CHODL: variants seen among roughly 807,000 people sequenced by gnomAD.
CHODL encodes the protein chondrolectin, also known as transmembrane protein MT75.
A neutral mutation model predicts 34.5 loss-of-function variants in CHODL; 29 were observed. The ratio of observed to expected loss-of-function variants is 0.84; its 90% CI spans 0.63 to 1.15. The LOEUF (loss-of-function observed/expected upper bound fraction) is 1.15. Among genes scored for constraint, CHODL ranks in the 50% most tolerant of loss-of-function variants. CHODL has a pLI of 0.00. For synonymous variants in CHODL, 125 were observed against 116.1 expected (o/e 1.08, Z -0.49); for missense variants, 332 against 332.5 (o/e 1.00, Z 0.01).
At chr21:18,238,837 A>G (rs1212249347) in intron 2 of CHODL, among the ~76,000 whole-genome samples, 1 of 152,172 alleles carries the variant, frequency 6.6e-6, no homozygotes, top group African/African-American at 2.4e-5. Flanking sequence ...TCAACATCAT[A>G]AATATTTAAA....
intron 2 of CHODL, among the ~76,000 whole-genome samples, chr21:18,178,037 G>T (rs1053112615): frequency 6.6e-6 from 1 of 152,016 alleles, no homozygotes; most frequent in African/African-American, 2.4e-5. Flanking sequence ...TGAGAAATTC[G>T]CTTGGGATAA....
intron 2 of CHODL, among the ~76,000 whole-genome samples, chr21:18,048,598 A>G (rs186592532): frequency 6.4e-4 from 97 of 152,108 alleles, no homozygotes; most frequent in African/African-American, 2.3e-3. Context: ...AAACCCTATC[A>G]GCAAAAAAAC....
At chr21:18,186,777 A>G (rs1005164174) in intron 2 of CHODL, among the ~76,000 whole-genome samples, 1 of 152,174 alleles carries the variant, frequency 6.6e-6, no homozygotes, top group African/African-American at 2.4e-5. Context: ...AATCTCCCCA[A>G]GACTTATGAA....
chr21:17,986,576 TG>T (rs1429995943), intron 1 of CHODL, among the ~76,000 whole-genome samples: 1 of 152,244 alleles, frequency 6.6e-6, no homozygotes, highest in Non-Finnish European at 1.5e-5. Context: ...GACGGACATT[TG>T]GGTTGGTTCC....
chr21:18,126,318 A>G (rs1362641645), intron 2 of CHODL, among the ~76,000 whole-genome samples: 7 of 152,258 alleles, frequency 4.6e-5, no homozygotes, highest in Non-Finnish European at 7.3e-5. Context: ...AAATTATGGC[A>G]TGTACATTTT....
rs1353389829 is a variant in CHODL, at chr21:17,948,675, G to C, written c.-145+31275G>C. Among the ~76,000 whole-genome samples the C allele has an allele frequency of 6.6e-5, 10 of 152,034 alleles. 1 individual carries two copies. Among genetic ancestry groups the C allele is most frequent in the Non-Finnish European group, 1.3e-4 (9 of 67,974 alleles). On this transcript the variant is annotated intron_variant, in intron 1 of 6. Transcript: ENST00000400127. The stretch of plus-strand genomic sequence containing the variant: ...CCTAGAAGAAATGGATAAATTGCTG[G>C]ACACATACAATCTATCAAGACTGAA...
intron 2 of CHODL, among the ~76,000 whole-genome samples, chr21:18,068,673 T>A (rs1038198088): frequency 6.6e-6 from 1 of 152,134 alleles, no homozygotes; most frequent in Non-Finnish European, 1.5e-5. Flanking sequence ...CATCTGTGCA[T>A]TGTTGAAAAT....
chr21:18,109,036 G>A (rs2055011), intron 2 of CHODL, among the ~76,000 whole-genome samples: 115,042 of 151,460 alleles, frequency 0.76, 45,147 homozygotes, highest in Middle Eastern at 0.87. Flanking sequence ...TAAAATTTGG[G>A]TCACCTTTTT....
chr21:17,988,498 T>C (rs1321332352), intron 1 of CHODL, among the ~76,000 whole-genome samples: 1 of 141,446 alleles, frequency 7.1e-6, no homozygotes. Flanking sequence ...GCTGCACCCA[T>C]TAACTCGTCA....
At chr21:18,070,986 C>T (rs74910777) in intron 2 of CHODL, among the ~76,000 whole-genome samples, 2,207 of 151,768 alleles carry the variant, frequency 0.015, 45 homozygotes, top group African/African-American at 0.049. Context: ...TAGTAAATCG[C>T]AGATATTATT....
chr21:18,175,430 A>G (rs2073294025), intron 2 of CHODL, among the ~76,000 whole-genome samples: 1 of 151,998 alleles, frequency 6.6e-6, no homozygotes, highest in South Asian at 2.1e-4. Flanking sequence ...CATATCTACT[A>G]AAAATACAAA....
At chr21:17,918,474 CAAAG>C (rs1171424723) in intron 1 of CHODL, among the ~76,000 whole-genome samples, 2 of 152,066 alleles carry the variant, frequency 1.3e-5, no homozygotes, top group African/African-American at 4.8e-5. Context: ...TGGCAGCAGG[CAAAG>C]AAAGAGCTTG....
chr21:18,030,249 A>G (rs1348348362), intron 2 of CHODL, among the ~76,000 whole-genome samples: 1 of 152,156 alleles, frequency 6.6e-6, no homozygotes, highest in African/African-American at 2.4e-5. Flanking sequence ...CCAAATGACA[A>G]TTTGGAAACG....
chr21:18,129,829 A>C (rs2072630757), intron 2 of CHODL, among the ~76,000 whole-genome samples: 1 of 152,062 alleles, frequency 6.6e-6, no homozygotes, highest in Non-Finnish European at 1.5e-5. Flanking sequence ...TTGCAGTGCA[A>C]AAAATATATG....
rs566435115 is a variant in CHODL at position 18,251,323 on chromosome 21, T to C, written c.80-5186T>C. ...CTAAATAAAAGGGCCTGTTTATTTA[T>C]GTAGCTGTGTGTGAAACTAATAAGG... On this transcript the variant is annotated intron_variant, in intron 1 of 5. Coordinates refer to ENST00000299295, the MANE Select transcript of CHODL (RefSeq NM_024944.3). 6.7e-5 allele frequency among the ~76,000 whole-genome samples: 10 copies of C among 149,332 alleles called. No homozygotes were observed. In the East Asian group the frequency reaches 1.9e-3, roughly 29 times the overall value.
At chr21:18,001,669 A>G (rs904341881) in intron 1 of CHODL, among the ~76,000 whole-genome samples, 1 of 152,050 alleles carries the variant, frequency 6.6e-6, no homozygotes, top group South Asian at 2.1e-4. Context: ...AGGAAGAGAG[A>G]GAATTCATGC....
chr21:18,197,621 C>A (rs1021401774), intron 2 of CHODL, among the ~76,000 whole-genome samples: 1 of 152,036 alleles, frequency 6.6e-6, no homozygotes, highest in East Asian at 1.9e-4. Flanking sequence ...TCTCAAAAAA[C>A]CAAACAAAAC....
At chr21:18,074,162 T>G (rs2064837700) in intron 2 of CHODL, among the ~76,000 whole-genome samples, 2 of 152,160 alleles carry the variant, frequency 1.3e-5, no homozygotes, top group African/African-American at 4.8e-5. Context: ...GCCACTGTTT[T>G]TCTAGTGATT....
At chr21:17,952,759 C>T (rs1601002108) in intron 1 of CHODL, among the ~76,000 whole-genome samples, 3 of 152,154 alleles carry the variant, frequency 2.0e-5, no homozygotes, top group South Asian at 2.1e-4. Context: ...TGTCCATTCT[C>T]TCACTGCTAT....
Sources: gnomAD v4.1 joint callset for allele counts (sites outside exome capture counted in the v4.1 genomes callset) on GRCh38, gnomAD v4.1.1 for gene constraint, MANE v1.5 for transcripts, NCBI Gene and HGNC (gene_info 2026-07-23, HGNC 2026-07-21) for gene names.